The following RAI1 variants were observed in gnomAD, a reference collection of about 807,000 sequenced individuals.
RAI1 encodes the protein retinoic acid induced 1, also known as retinoic acid-induced protein 1.
A neutral mutation model predicts 123.8 loss-of-function variants in RAI1; 9 were observed. The ratio of observed to expected loss-of-function variants is 0.07; its 90% CI spans 0.04 to 0.13. The LOEUF (loss-of-function observed/expected upper bound fraction) is 0.13, where lower values mean the gene tolerates loss of function less well. RAI1 is among the 10% of genes least tolerant of loss of function. The pLI, the probability that RAI1 is intolerant of heterozygous loss-of-function variation, is 1.00. For missense variants in RAI1, 2,256 were observed against 2,545.8 expected, an observed-to-expected ratio of 0.89 and a Z score of 2.45; for synonymous variants, 1,231 against 1,127.3, an observed-to-expected ratio of 1.09 and a Z score of -1.84.
rs1213295243 is a variant in RAI1 at position 17,793,638 on chromosome 17, G to A, written c.690G>A (p.Gly230=). The A allele has an allele frequency of 6.2e-7, 1 of 1,613,090 alleles. No homozygotes were observed. Among genetic ancestry groups the A allele is most frequent in the African/African-American group, 1.3e-5 (1 of 74,856 alleles). ...ACTCCTCCTCTGTCCAGGGTGGTGGGCAGGGGGCCCACTCCTATAAGAGTT... is the reference window on the plus strand; with the variant it reads ...ACTCCTCCTCTGTCCAGGGTGGTGGACAGGGGGCCCACTCCTATAAGAGTT... ...STYSSSVQGG[G]QGAHSYKSCT... Residue 230 remains glycine (G), a synonymous_variant, in exon 3 of 6, where the codon GGG becomes GGA. Transcript: ENST00000353383.
intron 4 of RAI1, among the ~76,000 whole-genome samples, chr17:17,805,097 G>A (rs996059024): frequency 2.0e-5 from 3 of 152,066 alleles, no homozygotes; most frequent in Non-Finnish European, 2.9e-5. Flanking sequence ...TCTTGACCTC[G>A]TGATCCGCCC....
intron 2 of RAI1, among the ~76,000 whole-genome samples, chr17:17,763,593 G>A (rs2030796277): frequency 6.6e-6 from 1 of 152,158 alleles, no homozygotes; most frequent in Non-Finnish European, 1.5e-5. Context: ...AGGGAGAAGT[G>A]TGCTGGGCAC....
At chr17:17,780,245 T>TA (rs1381154649) in intron 2 of RAI1, among the ~76,000 whole-genome samples, 2 of 152,044 alleles carry the variant, frequency 1.3e-5, no homozygotes, top group East Asian at 1.9e-4. Flanking sequence ...TTTATATTTT[T>TA]AGTAGAGACG....
intron 2 of RAI1, among the ~76,000 whole-genome samples, chr17:17,791,835 G>A (rs1227206066): frequency 1.3e-5 from 2 of 152,136 alleles, no homozygotes; most frequent in Non-Finnish European, 1.5e-5. Context: ...CAGATGCTCT[G>A]CTCTGAGAGG....
Position 17,729,635 on chromosome 17 carries a change from C to A in RAI1, c.-17+5476C>A, listed in dbSNP as rs566456894. On this transcript the variant is annotated intron_variant, in intron 2 of 5. Transcript: ENST00000353383. ...AGGACTGACAAGAGAGTAAGGAAAA[C>A]CAGGTCAAGTTTGTTCAAGTGCCTG... Among the ~76,000 whole-genome samples the A allele has an allele frequency of 2.6e-5, 4 of 152,294 alleles. No homozygotes were observed. In the South Asian group the frequency reaches 8.3e-4, roughly 32 times the overall value.
Position 17,794,772 on chromosome 17 carries a change from C to T in RAI1, c.1824C>T (p.Ala608=), listed in dbSNP as rs1307243805. Residue 608 remains alanine, a synonymous_variant, in exon 3 of 6, where the codon GCC becomes GCT. Coordinates refer to ENST00000353383, the MANE Select transcript of RAI1 (RefSeq NM_030665.4). ...LLSALAQEDL[A]SEILGLQEAI... ...GCGCCCTGGCACAGGAGGACCTGGC[C>T]TCCGAGATCCTGGGGCTGCAGGAAG... The T allele has an allele frequency of 5.0e-6, 8 of 1,613,018 alleles. No homozygotes were observed. Among genetic ancestry groups the T allele is most frequent in the South Asian group, 2.2e-5 (2 of 91,074 alleles).
At chr17:17,740,020 C>T (rs529351871) in intron 2 of RAI1, among the ~76,000 whole-genome samples, 1 of 152,358 alleles carries the variant, frequency 6.6e-6, no homozygotes, top group East Asian at 1.9e-4. Flanking sequence ...GCTGCAGCCC[C>T]ACCCTGAGGG....
Position 17,799,402 on chromosome 17 carries a change from T to C in RAI1, c.5565+889T>C, listed in dbSNP as rs1411138048. Among the ~76,000 whole-genome samples the C allele has an allele frequency of 6.6e-6, 1 of 152,058 alleles. No individual in the cohort carries two copies. The highest frequency in any genetic ancestry group is 1.5e-5 in the Non-Finnish European group (1 of 67,988). On this transcript the variant is annotated intron_variant, in intron 3 of 5. Transcript: ENST00000353383. This position sits in a 1 kb window ranked among gnomAD's most constrained non-coding sequence, Gnocchi z 4.5. ...TGGTGTCACCACTTCCCCAGTACCA[T>C]AGAGTACCTCTGTGCCCTTCTGAGG...
In RAI1 at chr17:17,795,173, A is replaced by G. The variant is rs527512369; in HGVS notation, c.2225A>G (p.Asn742Ser). Residue 742 changes from asparagine (N) to serine (S), a missense_variant, in exon 3 of 6, where the codon AAC becomes AGC. This residue lies in a region of RAI1 where 566 missense variants were observed against 616.0 expected (regional missense o/e 0.92). Transcript: ENST00000353383. The surrounding 1 kb of genome is among the most constrained non-coding windows in gnomAD (Gnocchi z 5.9). ...TTAASSADSA[N>S]PFAWPEENLG... ...GCTGCCAGCTCAGCGGACAGCGCCA[A>G]CCCCTTTGCCTGGCCAGAGGAAAAC... The G allele has an allele frequency of 7.9e-5, 128 of 1,613,764 alleles. No homozygotes were observed. The highest frequency in any genetic ancestry group is 1.0e-4 in the Non-Finnish European group (122 of 1,179,964).
chr17:17,690,879 G>T (rs1045986194), intron 1 of RAI1, among the ~76,000 whole-genome samples: 1 of 152,164 alleles, frequency 6.6e-6, no homozygotes, highest in African/African-American at 2.4e-5. Context: ...GGGCAGGGAT[G>T]GGGAATCAGA....
At chr17:17,716,834 G>A (rs546979846) in intron 1 of RAI1, among the ~76,000 whole-genome samples, 2 of 152,354 alleles carry the variant, frequency 1.3e-5, no homozygotes, top group African/African-American at 4.8e-5. Context: ...TGGGGCACTG[G>A]TGGGGCTGAT....
intron 2 of RAI1, among the ~76,000 whole-genome samples, chr17:17,791,700 C>T (rs1307974342): frequency 6.6e-6 from 1 of 152,214 alleles, no homozygotes; most frequent in Admixed American, 6.5e-5. Context: ...CAATGGCCAG[C>T]CCCTCCATGC....
At chr17:17,780,420 C>T (rs911264055) in intron 2 of RAI1, among the ~76,000 whole-genome samples, 5 of 152,110 alleles carry the variant, frequency 3.3e-5, no homozygotes, top group Admixed American at 1.3e-4. Flanking sequence ...TCAGGGGGAA[C>T]CAGGACCTCC....
chr17:17,739,890 C>T (rs1276234858), intron 2 of RAI1, among the ~76,000 whole-genome samples: 1 of 152,162 alleles, frequency 6.6e-6, no homozygotes, highest in Non-Finnish European at 1.5e-5. Context: ...CACCTTGGGC[C>T]CAGATGGAGG....
intron 2 of RAI1, among the ~76,000 whole-genome samples, chr17:17,753,876 T>C (rs932077058): frequency 2.0e-5 from 3 of 152,180 alleles, no homozygotes; most frequent in Non-Finnish European, 4.4e-5. Flanking sequence ...GAACTGTGGA[T>C]CCTTTGGGAT....
intron 1 of RAI1, among the ~76,000 whole-genome samples, chr17:17,710,928 C>G (rs538448902): frequency 6.6e-6 from 1 of 152,350 alleles, no homozygotes; most frequent in South Asian, 2.1e-4. Context: ...CCCCATGTGT[C>G]TGTGCGGGGG....
intron 2 of RAI1, among the ~76,000 whole-genome samples, chr17:17,782,439 CGCGGTT>C (rs2142998684): frequency 6.6e-6 from 1 of 151,800 alleles, no homozygotes; most frequent in South Asian, 2.1e-4. Context: ...GCCTGCGCGC[CGCGGTT>C]GCACGTGTGC....
chr17:17,790,660 C>G (rs1044603210), intron 2 of RAI1, among the ~76,000 whole-genome samples: 3 of 152,222 alleles, frequency 2.0e-5, no homozygotes. Context: ...TTAATGATAT[C>G]CACAGGACAC....
intron 2 of RAI1, among the ~76,000 whole-genome samples, chr17:17,740,480 G>A (rs540980832): frequency 6.6e-6 from 1 of 152,338 alleles, no homozygotes; most frequent in South Asian, 2.1e-4. Flanking sequence ...GAGCCCTAAA[G>A]AGGACCAGGT....
Sources: allele counts gnomAD v4.1 joint callset (sites outside exome capture counted in the v4.1 genomes callset), GRCh38; gene constraint gnomAD v4.1.1; regional missense constraint gnomAD v4.1.1; non-coding constraint Gnocchi (gnomAD v3.1); transcripts MANE v1.5; gene names NCBI Gene and HGNC (gene_info 2026-07-23, HGNC 2026-07-21).